The following GUCA1C variants were observed in gnomAD, a reference collection of about 807,000 sequenced individuals.
The protein encoded by GUCA1C is guanylyl cyclase-activating protein 3.
GUCA1C carries 15 observed loss-of-function variants against 16.2 expected under a neutral mutation model. The observed-to-expected ratio is 0.93, with a 90% CI of 0.62 to 1.43. The LOEUF is 1.43. Among genes scored for constraint, GUCA1C ranks in the 40% most tolerant of loss-of-function variants. The pLI is 0.00. For synonymous variants in GUCA1C, 78 were observed against 85.4 expected (o/e 0.91, Z 0.48); for missense variants, 275 against 244.8 (o/e 1.12, Z -0.82).
intron 1 of GUCA1C, among the ~76,000 whole-genome samples, chr3:108,929,537 G>A (rs1394763734): frequency 6.6e-6 from 1 of 152,160 alleles, no homozygotes; most frequent in East Asian, 1.9e-4. Context: ...TCTGATCTCA[G>A]TGGGAAAGCT....
chr3:108,916,245 A>T lies in GUCA1C; in HGVS notation c.355-31T>A, dbSNP rs768746967. ...AAAAGACATTAAATGAAAGAGGTCA[A>T]CTTTTCTGGAAGCAAATACATTTTG... On this transcript the variant is annotated intron_variant, in intron 2 of 3. Coordinates refer to ENST00000261047, the MANE Select transcript of GUCA1C (RefSeq NM_005459.4). 3 of 1,597,998 alleles carry T rather than the reference A, an allele frequency of 1.9e-6. No individual in the cohort carries two copies. In the Admixed American group the frequency reaches 5.4e-5, roughly 29 times the overall value.
chr3:108,912,102 T>TTAATAATAATAATAATAATAATAA (rs1946461319), intron 3 of GUCA1C, among the ~76,000 whole-genome samples: 1 of 6,452 alleles, frequency 1.5e-4, no homozygotes, highest in South Asian at 9.4e-3. Context: ...AGACTCCGTC[T>TTAATAATAATAATAATAATAATAA]CAATAATAAT....
chr3:108,953,802 A>G lies in GUCA1C; in HGVS notation c.-40T>C. The G allele has an allele frequency of 6.7e-7, 1 of 1,490,438 alleles. No homozygotes were observed. The highest frequency in any genetic ancestry group is 9.4e-7 in the Non-Finnish European group (1 of 1,068,188). The allele number at this position is 1,490,438 out of a possible 1,614,324, so 92.3% of individuals were successfully genotyped here. ...TACAGCTTTTCCTCAGGTTGTTTTC[A>G]CTTAAGTTTTTGCTGGATTTAGTCC... On this transcript the variant is annotated 5_prime_UTR_variant, in exon 1 of 4. Coordinates refer to ENST00000261047, the MANE Select transcript of GUCA1C (RefSeq NM_005459.4).
intron 1 of GUCA1C, among the ~76,000 whole-genome samples, chr3:108,928,464 T>G (rs552928255): frequency 6.6e-6 from 1 of 152,366 alleles, no homozygotes; most frequent in African/African-American, 2.4e-5. Context: ...TCCAGCTTAT[T>G]ATTTTTCATG....
intron 1 of GUCA1C, among the ~76,000 whole-genome samples, chr3:108,944,086 T>C (rs1327071467): frequency 6.6e-6 from 1 of 152,010 alleles, no homozygotes; most frequent in Non-Finnish European, 1.5e-5. Flanking sequence ...AAGAAATATA[T>C]TTTAAACTTC....
chr3:108,925,596 A>G (rs1246350144), intron 1 of GUCA1C, among the ~76,000 whole-genome samples: 1 of 152,172 alleles, frequency 6.6e-6, no homozygotes, highest in African/African-American at 2.4e-5. Context: ...TGTATATTCT[A>G]TAGGTGTTGG....
In GUCA1C at chr3:108,941,132, G is replaced by C. The variant is rs548208733; in HGVS notation, c.204+12427C>G. Among the ~76,000 whole-genome samples the C allele has an allele frequency of 6.6e-5, 10 of 152,102 alleles. No homozygotes were observed. In the East Asian group the frequency reaches 1.9e-3, roughly 29 times the overall value. On this transcript the variant is annotated intron_variant, in intron 1 of 3. Transcript: ENST00000261047. ...TAAGATGTGGTTTATGAACAGATTT[G>C]TAGGTAAACCATCATCACATCCACT... is the stretch of plus-strand genomic sequence containing the variant.
chr3:108,919,246 C>T lies in GUCA1C; in HGVS notation c.354+1190G>A, dbSNP rs571639214. Reference sequence around the variant, plus strand: ...CTTTTTTTCCCTTTCTAAGTTTAGCCCTTAACTTTAAGGGCTTAATGCATT... The same window carrying T: ...CTTTTTTTCCCTTTCTAAGTTTAGCTCTTAACTTTAAGGGCTTAATGCATT... On this transcript the variant is annotated intron_variant, in intron 2 of 3. Transcript: ENST00000261047. Among the ~76,000 whole-genome samples, 4 of 151,870 alleles carry T rather than the reference C, an allele frequency of 2.6e-5. No homozygotes were observed. The South Asian group carries it at 8.3e-4, about 32-fold the overall frequency.
chr3:108,924,829 G>A (rs1946607206), intron 1 of GUCA1C, among the ~76,000 whole-genome samples: 2 of 152,046 alleles, frequency 1.3e-5, no homozygotes, highest in African/African-American at 2.4e-5. Flanking sequence ...TCTGTTCATA[G>A]ATTCAATATC....
At chr3:108,927,543 G>C (rs1946633941) in intron 1 of GUCA1C, among the ~76,000 whole-genome samples, 1 of 150,306 alleles carries the variant, frequency 6.7e-6, no homozygotes, top group African/African-American at 2.5e-5. Context: ...ACTTTCTAGT[G>C]TATTTTGCAT....
intron 2 of GUCA1C, among the ~76,000 whole-genome samples, chr3:108,916,639 C>T (rs1447925925): frequency 6.6e-6 from 1 of 152,156 alleles, no homozygotes; most frequent in East Asian, 1.9e-4. Flanking sequence ...GCTTCCTCTC[C>T]GGCTTCCACC....
At chr3:108,955,134 C>G (rs1201779339), upstream of GUCA1C, among the ~76,000 whole-genome samples, 1 of 152,172 alleles carries the variant, frequency 6.6e-6, no homozygotes, top group Non-Finnish European at 1.5e-5. Context: ...TTAGTCCTGA[C>G]TGATTACCTG....
chr3:108,932,207 A>G (rs977285312), intron 1 of GUCA1C, among the ~76,000 whole-genome samples: 1 of 151,828 alleles, frequency 6.6e-6, no homozygotes, highest in Non-Finnish European at 1.5e-5. Context: ...CCTGACACAC[A>G]GAACTGTTTG....
intron 2 of GUCA1C, among the ~76,000 whole-genome samples, chr3:108,918,099 A>C (rs1946535776): frequency 6.6e-6 from 1 of 152,152 alleles, no homozygotes; most frequent in South Asian, 2.1e-4. Context: ...TAGACTAGGC[A>C]ATTCTTTCTT....
At chr3:108,936,384 G>A (rs1335382441) in intron 1 of GUCA1C, among the ~76,000 whole-genome samples, 2 of 152,082 alleles carry the variant, frequency 1.3e-5, no homozygotes. Context: ...CACTGTGTTA[G>A]TCACTTTCAA....
rs540540488 is a variant in GUCA1C, at chr3:108,908,356, C to CAA, written c.443-149_443-148dup. On this transcript the variant is annotated intron_variant, in intron 3 of 3. Transcript: ENST00000261047. Reference sequence around the variant, plus strand: ...AGATCTTTGAAGATCTTCATTTAAACAAAAAAAAAAAAAAAAAGCATTCAC... The same window carrying CAA: ...AGATCTTTGAAGATCTTCATTTAAACAAAAAAAAAAAAAAAAAAAGCATTCAC... 1,070 of 318,284 alleles carry CAA rather than the reference C, an allele frequency of 3.4e-3. 7 individuals carry two copies. Among genetic ancestry groups the CAA allele is most frequent in the African/African-American group, 0.02 (697 of 35,340 alleles). 19.7% of individuals were successfully genotyped at this position (318,284 alleles called of 1,614,324 possible).
chr3:108,926,211 T>C (rs1490408093), intron 1 of GUCA1C, among the ~76,000 whole-genome samples: 4 of 152,216 alleles, frequency 2.6e-5, no homozygotes, highest in Non-Finnish European at 5.9e-5. Context: ...GCTGTTACTT[T>C]AAAGTTTGTT....
At chr3:108,932,863 G>C (rs1289629826) in intron 1 of GUCA1C, among the ~76,000 whole-genome samples, 1 of 148,556 alleles carries the variant, frequency 6.7e-6, no homozygotes, top group African/African-American at 2.5e-5. Context: ...CAGAGGTTGC[G>C]GTGAGCCGAG....
intron 3 of GUCA1C, 30 bp from the exon 4 acceptor site, chr3:108,908,239 C>CT: frequency 6.8e-7 from 1 of 1,459,978 alleles, no homozygotes; most frequent in Non-Finnish European, 9.6e-7. Flanking sequence ...TAATAAGAGG[C>CT]TTTGTCTATA....
Sources: allele counts gnomAD v4.1 joint callset (sites outside exome capture counted in the v4.1 genomes callset), GRCh38; gene constraint gnomAD v4.1.1; transcripts MANE v1.5; gene names NCBI Gene and HGNC (gene_info 2026-07-23, HGNC 2026-07-21).